SP140L: variants seen among roughly 807,000 people sequenced by gnomAD.
SP140L encodes the protein nuclear body protein SP140-like protein.
A neutral mutation model predicts 84.3 loss-of-function variants in SP140L; 64 were observed. The ratio of observed to expected loss-of-function variants is 0.76; its 90% confidence interval spans 0.62 to 0.94. SP140L has a LOEUF of 0.94. Ranked by LOEUF, SP140L falls within the 40% of genes least tolerant of loss-of-function variation. The pLI is 0.00. For synonymous variants in SP140L, 242 were observed against 236.9 expected, an observed-to-expected ratio of 1.02 and a Z score of -0.20; for missense variants, 628 against 692.5, an observed-to-expected ratio of 0.91 and a Z score of 1.05.
chr2:230,329,464 A>C (rs553789561), intron 2 of SP140L, among the ~76,000 whole-genome samples: 1 of 152,304 alleles, frequency 6.6e-6, no homozygotes, highest in Admixed American at 6.5e-5. Context: ...GTCTCCACCC[A>C]AATCTCATCT....
chr2:230,346,117 C>T (rs752109126), intron 2 of SP140L, among the ~76,000 whole-genome samples: 2 of 152,246 alleles, frequency 1.3e-5, no homozygotes, highest in East Asian at 3.9e-4. Context: ...ACCTTTATCA[C>T]GCCTTCATTT....
At chr2:230,391,523 C>T (rs2061804123) in intron 11 of SP140L, among the ~76,000 whole-genome samples, 1 of 152,158 alleles carries the variant, frequency 6.6e-6, no homozygotes, top group Admixed American at 6.5e-5. Context: ...GGTAACATTT[C>T]ACAATTATTT....
At chr2:230,397,182 G>A (rs2062089928) in intron 14 of SP140L, among the ~76,000 whole-genome samples, 1 of 152,340 alleles carries the variant, frequency 6.6e-6, no homozygotes, top group Middle Eastern at 3.4e-3. Context: ...TCTCAAGTAA[G>A]GGGTATGGAT....
intron 5 of SP140L, among the ~76,000 whole-genome samples, chr2:230,370,054 G>A (rs1273580947): frequency 6.6e-6 from 1 of 152,170 alleles, no homozygotes; most frequent in Non-Finnish European, 1.5e-5. Context: ...TTACAGGCAT[G>A]AGCCACCGCA....
chr2:230,333,597 G>A (rs1473438126), intron 2 of SP140L, among the ~76,000 whole-genome samples: 1 of 151,616 alleles, frequency 6.6e-6, no homozygotes, highest in Non-Finnish European at 1.5e-5. Flanking sequence ...AGTTCTCCGG[G>A]GTCCTTTCAA....
chr2:230,335,006 A>G (rs2059829025), intron 2 of SP140L, among the ~76,000 whole-genome samples: 1 of 152,012 alleles, frequency 6.6e-6, no homozygotes, highest in Admixed American at 6.5e-5. Context: ...ATAAAGTTTT[A>G]ATTCTTTCCT....
chr2:230,342,463 C>T lies in SP140L; in HGVS notation c.107+13632C>T, dbSNP rs368588467. Reference sequence around the variant, plus strand: ...GAAATCACCCATCTTCTGCGTCGCTCACGCTGGGAGCTGTAGACCGGAGCT... The same window carrying T: ...GAAATCACCCATCTTCTGCGTCGCTTACGCTGGGAGCTGTAGACCGGAGCT... On this transcript the variant is annotated intron_variant, in intron 2 of 18. Transcript: ENST00000415673. Among the ~76,000 whole-genome samples the T allele has an allele frequency of 5.3e-5, 8 of 152,366 alleles. No individual in the cohort carries two copies. In the South Asian group the frequency reaches 1.0e-3, roughly 20 times the overall value.
chr2:230,340,436 T>A (rs2060006477), intron 2 of SP140L, among the ~76,000 whole-genome samples: 1 of 149,188 alleles, frequency 6.7e-6, no homozygotes, highest in Non-Finnish European at 1.5e-5. Context: ...GGGTCTTGAC[T>A]CTTTATCCAA....
intron 2 of SP140L, among the ~76,000 whole-genome samples, chr2:230,339,643 A>G (rs1380120425): frequency 6.9e-6 from 1 of 144,660 alleles, no homozygotes. Flanking sequence ...AGTGCTATAA[A>G]TTTCCCTCTA....
chr2:230,332,809 C>A (rs570119899), intron 2 of SP140L, among the ~76,000 whole-genome samples: 4 of 152,264 alleles, frequency 2.6e-5, no homozygotes, highest in Admixed American at 1.3e-4. Flanking sequence ...TTGGGGGAGC[C>A]CTTCTGGAGC....
chr2:230,366,671 T>A (rs2060878909), intron 5 of SP140L, among the ~76,000 whole-genome samples: 1 of 147,528 alleles, frequency 6.8e-6, no homozygotes, highest in African/African-American at 2.5e-5. Flanking sequence ...ACTACAACTA[T>A]TTTGTTCATT....
rs899573760 is a variant in SP140L, at chr2:230,371,362, G to A, written c.584-236G>A. Among the ~76,000 whole-genome samples, 3 of 152,102 alleles carry A rather than the reference G, an allele frequency of 2.0e-5. No homozygotes were observed. In the South Asian group the frequency reaches 6.2e-4, roughly 32 times the overall value. On this transcript the variant is annotated intron_variant, in intron 6 of 18. Transcript: ENST00000415673. The stretch of plus-strand genomic sequence containing the variant: ...AACTAATCCTGGTATTAATTGTCAG[G>A]GGGGAAGACTGCAGGTCTACTCTTA...
At chr2:230,376,102 C>G (rs909791471) in intron 7 of SP140L, among the ~76,000 whole-genome samples, 1 of 152,084 alleles carries the variant, frequency 6.6e-6, no homozygotes, top group African/African-American at 2.4e-5. Context: ...AGCCAAATAT[C>G]TCATTTCATT....
chr2:230,336,923 C>T (rs2059898959), intron 2 of SP140L, among the ~76,000 whole-genome samples: 1 of 152,170 alleles, frequency 6.6e-6, no homozygotes, highest in Non-Finnish European at 1.5e-5. Context: ...AGTTTTGCCA[C>T]AGAGCTCTCT....
Position 230,389,944 on chromosome 2 carries a change from T to A in SP140L, c.885T>A (p.Thr295=). 6.2e-7 allele frequency: 1 copy of A among 1,613,754 alleles called. No homozygotes were observed. Among genetic ancestry groups the A allele is most frequent in the Non-Finnish European group, 8.5e-7 (1 of 1,179,766 alleles). ...CTTCAAGAAAGCACAAAGATGAAACTGTGGATTTTCAGGCTCCTTTACTTC... is the reference window on the plus strand; with the variant it reads ...CTTCAAGAAAGCACAAAGATGAAACAGTGGATTTTCAGGCTCCTTTACTTC... ...SRASRKHKDE[T]VDFQAPLLPV... The change falls in exon 11 of 19, where the codon ACT becomes ACA. Residue 295 remains threonine, a synonymous_variant. Transcript: ENST00000415673.
intron 13 of SP140L, among the ~76,000 whole-genome samples, chr2:230,394,283 G>A (rs3845827): frequency 6.6e-6 from 1 of 151,840 alleles, no homozygotes; most frequent in Admixed American, 6.6e-5. Flanking sequence ...ATGGTTTTTC[G>A]AAGACTGGGT....
intron 7 of SP140L, 119 bp downstream of exon 7, chr2:230,371,770 A>G: frequency 1.0e-6 from 1 of 954,038 alleles, no homozygotes; most frequent in Non-Finnish European, 1.6e-6. Context: ...GGTAGAGAGA[A>G]TGATGGCCAC....
chr2:230,365,595 TATC>T (rs1303311586), intron 5 of SP140L, among the ~76,000 whole-genome samples: 1 of 152,034 alleles, frequency 6.6e-6, no homozygotes, highest in African/African-American at 2.4e-5. Context: ...CTGTTTAGTT[TATC>T]TTTTCATTGT....
At chr2:230,402,692 A>G in intron 18 of SP140L, 106 bp from the exon 19 acceptor site, 3 of 849,908 alleles carry the variant, frequency 3.5e-6, no homozygotes, top group East Asian at 2.7e-5. Flanking sequence ...GTCAACTTAC[A>G]GTTTTTATTT....
Sources: gnomAD v4.1 joint callset for allele counts (sites outside exome capture counted in the v4.1 genomes callset) on GRCh38, gnomAD v4.1.1 for gene constraint, MANE v1.5 for transcripts, NCBI Gene and HGNC (gene_info 2026-07-23, HGNC 2026-07-21) for gene names.